DACH2: variants seen among roughly 807,000 people sequenced by gnomAD.
DACH2 encodes dachshund family transcription factor 2, also known as dachshund homolog 2.
DACH2 carries 17 observed loss-of-function variants against 35.8 expected under a neutral mutation model. The ratio of observed to expected loss-of-function variants is 0.48; its 90% CI spans 0.33 to 0.71. DACH2 has a LOEUF of 0.71. DACH2 is among the 30% of genes least tolerant of loss of function. The pLI is 0.02. For synonymous variants in DACH2, 195 were observed against 177.3 expected (o/e 1.10, Z -0.79); for missense variants, 469 against 472.7 (o/e 0.99, Z 0.07).
In DACH2 at chrX:86,411,020, T is replaced by TTATATATATATTTATATATATATATATA. The variant is rs2036602566; in HGVS notation, c.527+34169_527+34170insTTATATATATATATATATATATATATAT. Among the ~76,000 whole-genome samples the TTATATATATATTTATATATATATATATA allele has an allele frequency of 7.4e-5, 3 of 40,528 alleles. 1 individual carries two copies. Among genetic ancestry groups the TTATATATATATTTATATATATATATATA allele is most frequent in the East Asian group, 3.6e-3 (2 of 559 alleles). The allele number at this position is 40,528 out of a possible 115,157, so 35.2% of individuals were successfully genotyped here. ...CTCTAGAGGGACAGAACTAATATGA[T>TTATATATATATTTATATATATATATATA]TATATATATATATATATATGTATAT... On this transcript the variant is annotated intron_variant, in intron 2 of 11. Coordinates refer to ENST00000373125, the MANE Select transcript of DACH2 (RefSeq NM_053281.3).
intron 1 of DACH2, among the ~76,000 whole-genome samples, chrX:86,181,191 T>TC (rs895406813): frequency 1.8e-5 from 2 of 109,832 alleles, no homozygotes; most frequent in African/African-American, 3.3e-5. Context: ...TATCTATCTA[T>TC]TTTTCAAATT....
intron 6 of DACH2, among the ~76,000 whole-genome samples, chrX:86,724,483 C>A (rs138889015): frequency 1.6e-3 from 181 of 111,657 alleles, no homozygotes; most frequent in African/African-American, 5.7e-3. Flanking sequence ...GCTTGTCTGG[C>A]AGTTTTTTCT....
At chrX:86,187,545 G>A (rs1404638913) in intron 1 of DACH2, among the ~76,000 whole-genome samples, 1 of 108,667 alleles carries the variant, frequency 9.2e-6, no homozygotes, top group Admixed American at 1.0e-4. Flanking sequence ...AGTCTCATGA[G>A]TAGCTGGGGG....
chrX:86,311,270 C>T (rs1035937585), intron 1 of DACH2, among the ~76,000 whole-genome samples: 2 of 112,075 alleles, frequency 1.8e-5, no homozygotes, highest in Non-Finnish European at 3.8e-5. Flanking sequence ...TCCACCATCA[C>T]GGTATTCCAC....
At chrX:86,597,866 G>A (rs1450913752) in intron 3 of DACH2, among the ~76,000 whole-genome samples, 6 of 111,480 alleles carry the variant, frequency 5.4e-5, no homozygotes, top group African/African-American at 1.3e-4. Flanking sequence ...GTATTAGTCC[G>A]TTTTCACACT....
chrX:86,477,947 C>CA (rs753150467), intron 2 of DACH2, among the ~76,000 whole-genome samples: 4 of 110,246 alleles, frequency 3.6e-5, no homozygotes, highest in Non-Finnish European at 5.7e-5. Flanking sequence ...AACAAAGAGA[C>CA]AAAAAAAAGG....
intron 7 of DACH2, among the ~76,000 whole-genome samples, chrX:86,803,688 C>A (rs1197550816): frequency 9.1e-6 from 1 of 109,591 alleles, no homozygotes; most frequent in Non-Finnish European, 1.9e-5. Flanking sequence ...ACTGAGGAGA[C>A]AACAGTGAGC....
intron 1 of DACH2, among the ~76,000 whole-genome samples, chrX:86,191,240 A>G (rs1163663344): frequency 1.8e-5 from 2 of 111,966 alleles, no homozygotes; most frequent in African/African-American, 6.5e-5. Context: ...ATGCCAATCA[A>G]CGGTGGACTG....
chrX:86,800,429 G>A (rs1041310376), intron 7 of DACH2, among the ~76,000 whole-genome samples: 1 of 111,409 alleles, frequency 9.0e-6, no homozygotes, highest in African/African-American at 3.3e-5. Flanking sequence ...TCTAGTGCTG[G>A]CATTTACACA....
intron 3 of DACH2, among the ~76,000 whole-genome samples, chrX:86,605,289 A>G (rs923798750): frequency 1.8e-5 from 2 of 111,549 alleles, no homozygotes; most frequent in Non-Finnish European, 3.8e-5. Context: ...CCTTTAAAAA[A>G]ACATTTCTTT....
intron 3 of DACH2, among the ~76,000 whole-genome samples, chrX:86,560,643 T>C (rs1321916634): frequency 1.2e-5 from 1 of 85,377 alleles, no homozygotes; most frequent in Non-Finnish European, 2.2e-5. Context: ...AAACAAGCAA[T>C]GGGGAAAGGA....
intron 4 of DACH2, among the ~76,000 whole-genome samples, chrX:86,685,142 T>C (rs1040323718): frequency 8.9e-6 from 1 of 111,772 alleles, no homozygotes; most frequent in East Asian, 2.8e-4. Flanking sequence ...GCTTGCATTA[T>C]TGTCTTCAAT....
intron 2 of DACH2, among the ~76,000 whole-genome samples, chrX:86,506,986 AT>A (rs2038332839): frequency 8.9e-6 from 1 of 111,807 alleles, no homozygotes; most frequent in Non-Finnish European, 1.9e-5. Context: ...AATATCTACG[AT>A]TGTTCAAGGT....
chrX:86,232,586 T>C (rs7063385), intron 1 of DACH2, among the ~76,000 whole-genome samples: 6,290 of 111,662 alleles, frequency 0.056, 437 homozygotes, highest in African/African-American at 0.19. Context: ...AACAAGCGTA[T>C]GAAAAAAAGC....
At chrX:86,610,363 C>CTCCTTCTTTCTTTCTTTCTTTCTTTCTT (rs2039916875) in intron 3 of DACH2, among the ~76,000 whole-genome samples, 2 of 70,084 alleles carry the variant, frequency 2.9e-5, no homozygotes, top group African/African-American at 1.1e-4. Flanking sequence ...TCCTTCCTTC[C>CTCCTTCTTTCTTTCTTTCTTTCTTTCTT]TCTTTCTTTC....
intron 1 of DACH2, among the ~76,000 whole-genome samples, chrX:86,317,489 A>G (rs1176435586): frequency 8.9e-6 from 1 of 112,500 alleles, no homozygotes; most frequent in Non-Finnish European, 1.9e-5. Flanking sequence ...AATGTAGGCA[A>G]AAACTTAAAA....
intron 3 of DACH2, among the ~76,000 whole-genome samples, chrX:86,574,230 T>C (rs1025213239): frequency 4.5e-5 from 5 of 111,301 alleles, no homozygotes; most frequent in African/African-American, 1.6e-4. Flanking sequence ...AAGAGGCTCC[T>C]GGTAATCTAA....
chrX:86,812,085 C>T (rs1305729033), intron 7 of DACH2, among the ~76,000 whole-genome samples: 1 of 111,288 alleles, frequency 9.0e-6, no homozygotes, highest in Non-Finnish European at 1.9e-5. Flanking sequence ...TGTTTAAACG[C>T]AAGCTAGTAT....
At chrX:86,782,466 G>C (rs1448337589) in intron 7 of DACH2, among the ~76,000 whole-genome samples, 2 of 111,125 alleles carry the variant, frequency 1.8e-5, no homozygotes, top group African/African-American at 6.5e-5. Context: ...TAAGCAAAAA[G>C]AACAGAACTG....
Sources: allele counts gnomAD v4.1 joint callset (sites outside exome capture counted in the v4.1 genomes callset), GRCh38; gene constraint gnomAD v4.1.1; transcripts MANE v1.5; gene names NCBI Gene and HGNC (gene_info 2026-07-23, HGNC 2026-07-21).